PLAT: variants seen among roughly 807,000 people sequenced by gnomAD.
PLAT encodes the protein plasminogen activator, tissue type.
A neutral mutation model predicts 74.9 loss-of-function variants in PLAT; 48 were observed. The observed-to-expected ratio is 0.64, with a 90% CI of 0.51 to 0.82. The LOEUF is 0.82. PLAT is among the 40% of genes least tolerant of loss of function. The pLI is 0.00. For synonymous variants in PLAT, 307 were observed against 294.4 expected (o/e 1.04, Z -0.44); for missense variants, 673 against 736.2 (o/e 0.91, Z 0.99).
rs1309522690 is a variant in PLAT, at chr8:42,175,205, C to A, written c.*788G>T. On this transcript the variant is annotated 3_prime_UTR_variant, in exon 14 of 14. Transcript: ENST00000220809. ...AACATGAATAAAGAGTGGGATACAGCATCTATAACAAAACCATTCCACTCT... is the reference window on the plus strand; with the variant it reads ...AACATGAATAAAGAGTGGGATACAGAATCTATAACAAAACCATTCCACTCT... 1 of 152,154 alleles carries A rather than the reference C, an allele frequency of 6.6e-6. No homozygotes were observed. Among genetic ancestry groups the A allele is most frequent in the African/African-American group, 2.4e-5 (1 of 41,438 alleles). 9.4% of individuals were successfully genotyped at this position (152,154 alleles called of 1,614,324 possible).
intron 1 of PLAT, among the ~76,000 whole-genome samples, chr8:42,204,381 G>A (rs1025931266): frequency 1.6e-4 from 24 of 152,152 alleles, no homozygotes; most frequent in South Asian, 6.2e-4. Context: ...AAGCAGAAGC[G>A]AAAATCACTC....
At position 42,188,074 on chromosome 8, in the gene PLAT, A is replaced by G. The variant is rs1053736148; in HGVS notation, c.254-58T>C. ...CAGCCTCCTTCTGTGTGCTCAGGCC[A>G]TGGTTCCAGGAGCCCTGTCTACCAC... On this transcript the variant is annotated intron_variant, in intron 4 of 13. Transcript: ENST00000220809. 24 of 1,054,122 alleles carry G rather than the reference A, an allele frequency of 2.3e-5. 1 individual carries two copies. Among genetic ancestry groups the G allele is most frequent in the South Asian group, 2.0e-4 (15 of 74,726 alleles). 65.3% of individuals were successfully genotyped at this position (1,054,122 alleles called of 1,614,324 possible). A position where few individuals can be genotyped will look rare whatever the true frequency, so the allele number is the denominator to read the frequency against.
At chr8:42,181,605 G>A (rs973522826) in intron 9 of PLAT, among the ~76,000 whole-genome samples, 3 of 152,194 alleles carry the variant, frequency 2.0e-5, no homozygotes, top group African/African-American at 7.2e-5. Flanking sequence ...TATCTAAGGA[G>A]CCATGCATGC....
intron 1 of PLAT, among the ~76,000 whole-genome samples, chr8:42,198,335 C>CA (rs1307439462): frequency 6.6e-6 from 1 of 152,030 alleles, no homozygotes; most frequent in Non-Finnish European, 1.5e-5. Flanking sequence ...ACTAAAAATA[C>CA]AAAAAAATTA....
At chr8:42,206,365 C>T (rs1216697731) in intron 1 of PLAT, among the ~76,000 whole-genome samples, 3 of 152,138 alleles carry the variant, frequency 2.0e-5, no homozygotes, top group Admixed American at 6.5e-5. Flanking sequence ...ACAGGAAGCA[C>T]GCACCCAGCA....
chr8:42,193,208 AATTC>A lies in PLAT; in HGVS notation c.-26-1_-24del. 1 of 1,605,482 alleles carries A rather than the reference AATTC, an allele frequency of 6.2e-7. No individual in the cohort carries two copies. Among genetic ancestry groups the A allele is most frequent in the Non-Finnish European group, 8.5e-7 (1 of 1,172,490 alleles). On this transcript the variant is annotated splice_acceptor_variant and 5_prime_UTR_variant, in exon 2 of 14. Transcript: ENST00000220809. LOFTEE classifies it low-confidence loss of function (5UTR_SPLICE). Reference sequence around the variant, plus strand: ...CATGATTGCTTCACAGCGTCCCTTAAATTCTGGAAGGAGAGAAAAAACAGCTTGA... The same window carrying A: ...CATGATTGCTTCACAGCGTCCCTTAATGGAAGGAGAGAAAAAACAGCTTGA...
intron 1 of PLAT, among the ~76,000 whole-genome samples, chr8:42,201,858 A>G (rs8178876): frequency 0.021 from 3,154 of 152,296 alleles, 134 homozygotes; most frequent in Admixed American, 0.11. Flanking sequence ...AAATAAGGAA[A>G]TTGGAGCTTC....
intron 11 of PLAT, 41 bp downstream of exon 11, chr8:42,180,201 G>A: frequency 2.5e-6 from 4 of 1,612,262 alleles, no homozygotes; most frequent in East Asian, 4.5e-5. Flanking sequence ...GGTGTGTTGT[G>A]TGATCTGTAT....
chr8:42,181,876 G>A (rs1159071406), intron 9 of PLAT, 61 bp downstream of exon 9: 1 of 969,766 alleles, frequency 1.0e-6, no homozygotes, highest in Non-Finnish European at 1.7e-6. Context: ...CTAGAAAGTG[G>A]CGAGGAGATG....
Position 42,179,086 on chromosome 8 carries a change from T to C in PLAT, c.1364-23A>G, listed in dbSNP as rs761556900. On this transcript the variant is annotated intron_variant, in intron 12 of 13. Transcript: ENST00000220809. ...ACACTGAAAGGGGAGAACCATCATA[T>C]GGTTTTAGGGAAAGTTATTTATAAA... The C allele has an allele frequency of 4.4e-6, 7 of 1,584,458 alleles. No homozygotes were observed. In the East Asian group the frequency reaches 1.3e-4, roughly 30 times the overall value.
At chr8:42,205,843 T>C (rs1403909007) in intron 1 of PLAT, among the ~76,000 whole-genome samples, 1 of 152,200 alleles carries the variant, frequency 6.6e-6, no homozygotes, top group East Asian at 1.9e-4. Flanking sequence ...GTTCTTAACA[T>C]TGGCAAAATA....
At chr8:42,187,610 TC>T in intron 5 of PLAT, 38 bp from the exon 6 acceptor site, 1 of 1,535,782 alleles carries the variant, frequency 6.5e-7, no homozygotes, top group Non-Finnish European at 8.8e-7. Context: ...CACATGGGAG[TC>T]CCCTTTCATT....
rs768669023 is a variant in PLAT, at chr8:42,182,755, G to A, written c.767C>T (p.Ala256Val). Residue 256 changes from alanine (A) to valine (V), a missense_variant, in exon 8 of 14, where the codon GCC (alanine) becomes GTC (valine). Physicochemically the swap from Ala to Val is moderately conservative, Grantham distance 64. Transcript: ENST00000220809. ...GKVYTAQNPSAQALGLGKHNY... is the reference protein window; with the variant it reads ...GKVYTAQNPSVQALGLGKHNY... ...ATGTTTGCCCAGGCCCAGTGCCTGG[G>A]CACTGGGGTTCTGTGCTGTGTAAAC... 5.0e-6 allele frequency: 8 copies of A among 1,612,740 alleles called. No homozygotes were observed. Among genetic ancestry groups the A allele is most frequent in the Non-Finnish European group, 4.2e-6 (5 of 1,179,562 alleles).
chr8:42,188,917 C>G lies in PLAT; in HGVS notation c.253+17G>C. On this transcript the variant is annotated intron_variant, in intron 4 of 13. Coordinates refer to ENST00000220809, the MANE Select transcript of PLAT (RefSeq NM_000930.5). ...TGGGATCACAGGCATGCACCACCTC[C>G]CAGCCTCAGTACATACTTTTGACAG... 6.2e-7 allele frequency: 1 copy of G among 1,604,982 alleles called. No homozygotes were observed. Among genetic ancestry groups the G allele is most frequent in the Non-Finnish European group, 8.5e-7 (1 of 1,173,304 alleles).
intron 1 of PLAT, among the ~76,000 whole-genome samples, chr8:42,205,414 T>C (rs539471635): frequency 6.6e-6 from 1 of 152,166 alleles, no homozygotes; most frequent in Non-Finnish European, 1.5e-5. Flanking sequence ...GTAATCCCAG[T>C]TACTCAGAAG....
intron 1 of PLAT, chr8:42,206,750 A>T (rs1195209497): frequency 6.6e-6 from 1 of 152,194 alleles, no homozygotes; most frequent in Non-Finnish European, 1.5e-5. Context: ...GGAGAACCCC[A>T]CATGCTTCCT....
Position 42,181,975 on chromosome 8 carries a change from C to T in PLAT, c.851G>A (p.Arg284His), listed in dbSNP as rs1554713453. ...ATCACAGTACTCCCACGTCAGCCTG[C>T]GGTTCTTCAGCACGTGGCACCAGGG... ...AKPWCHVLKN[R>H]RLTWEYCDVP... The change falls in exon 9 of 14, where the codon CGC becomes CAC. Residue 284 changes from arginine (R) to histidine (H), a missense_variant. Physicochemically the swap from Arg to His is conservative, Grantham distance 29 (BLOSUM62 0). Coordinates refer to ENST00000220809, the MANE Select transcript of PLAT (RefSeq NM_000930.5). 6.8e-6 allele frequency: 11 copies of T among 1,612,574 alleles called. No individual in the cohort carries two copies. Among genetic ancestry groups the T allele is most frequent in the South Asian group, 3.3e-5 (3 of 91,048 alleles).
Position 42,180,031 on chromosome 8 carries a change from C to G in PLAT, c.1258G>C (p.Ala420Pro). 1.2e-6 allele frequency: 2 copies of G among 1,609,490 alleles called. No homozygotes were observed. Among genetic ancestry groups the G allele is most frequent in the Non-Finnish European group, 8.5e-7 (1 of 1,177,222 alleles). ...GTGCGGACCACGCTGCTCTCCTGGG[C>G]ACAGCGGGACGAATCCGATTTCAGC... ...LQLKSDSSRC[A>P]QESSVVRTVC... is the part of the protein sequence containing the mutation. The change falls in exon 12 of 14, where the codon GCC becomes CCC. Residue 420 changes from alanine to proline, a missense_variant. Ala to Pro is a conservative substitution (Grantham distance 27). Coordinates refer to ENST00000220809, the MANE Select transcript of PLAT (RefSeq NM_000930.5).
chr8:42,178,264 CTTT>C (rs5891180), intron 13 of PLAT, among the ~76,000 whole-genome samples: 10 of 110,036 alleles, frequency 9.1e-5, no homozygotes, highest in Non-Finnish European at 1.1e-4. Flanking sequence ...ACATTTCTTT[CTTT>C]TTTTTTTTTT....
Sources: allele counts gnomAD v4.1 joint callset (sites outside exome capture counted in the v4.1 genomes callset), GRCh38; gene constraint gnomAD v4.1.1; transcripts MANE v1.5; gene names NCBI Gene and HGNC (gene_info 2026-07-23, HGNC 2026-07-21).